Variants in ATP13A4 observed in about 807,000 individuals in gnomAD.
ATP13A4 encodes the protein ATPase 13A4.
Under a neutral mutation model 142.5 loss-of-function variants are expected in ATP13A4, and 114 were observed. That is an observed-to-expected ratio of 0.80 (90% CI 0.69 to 0.93). The LOEUF (loss-of-function observed/expected upper bound fraction) is 0.93. Among genes scored for constraint, ATP13A4 ranks in the 40% least tolerant of loss-of-function variants. The pLI, the probability that ATP13A4 is intolerant of heterozygous loss-of-function variation, is 0.00. For synonymous variants in ATP13A4, 488 were observed against 514.8 expected, an observed-to-expected ratio of 0.95 and a Z score of 0.70; for missense variants, 1,392 against 1,454.0, an observed-to-expected ratio of 0.96 and a Z score of 0.69.
chr3:193,488,092 C>T (rs926078200), intron 7 of ATP13A4, among the ~76,000 whole-genome samples: 3 of 151,982 alleles, frequency 2.0e-5, no homozygotes, highest in African/African-American at 7.3e-5. Flanking sequence ...GGTGAAACAC[C>T]GTCTCGACTA....
At chr3:193,558,633 G>A (rs1723953251), upstream of ATP13A4, among the ~76,000 whole-genome samples, 2 of 152,172 alleles carry the variant, frequency 1.3e-5, no homozygotes, top group South Asian at 4.1e-4. Flanking sequence ...CCCTCACAAG[G>A]ATAGGAGTTT....
chr3:193,491,343 G>T lies in ATP13A4; in HGVS notation c.589C>A (p.Leu197Met). 6.2e-7 allele frequency: 1 copy of T among 1,601,066 alleles called. No homozygotes were observed. The highest frequency in any genetic ancestry group is 8.6e-7 in the Non-Finnish European group (1 of 1,168,544). Reference protein sequence around the residue: ...IDVEVTPIWKLLIKEVLNPFY... With the variant: ...IDVEVTPIWKMLIKEVLNPFY... ...GGAGAAATTACCTCCTTGATGAGCA[G>T]TTTCCAAATTGGTGTAACTTCAACA... The change falls in exon 6 of 30, where the codon CTG (leucine) becomes ATG (methionine). Residue 197 changes from leucine to methionine, a missense_variant. Transcript: ENST00000342695.
chr3:193,493,144 A>C lies in ATP13A4; in HGVS notation c.398T>G (p.Val133Gly). ...GTTCCAAACATATCTTATTTTCTGC[A>C]CTTTGATGCATCTCACCTGCAAAAG... The part of the protein sequence containing the change: ...KPDLKVRCIK[V>G]QKIRYVWNYL... The change falls in exon 4 of 30, where the codon GTG becomes GGG. Residue 133 changes from valine (V) to glycine (G), a missense_variant. Val to Gly is a moderately radical substitution (Grantham distance 109). Coordinates refer to ENST00000342695, the MANE Select transcript of ATP13A4 (RefSeq NM_032279.4). 2.5e-6 allele frequency: 4 copies of C among 1,612,894 alleles called. No individual in the cohort carries two copies. Among genetic ancestry groups the C allele is most frequent in the Non-Finnish European group, 3.4e-6 (4 of 1,179,590 alleles).
intron 1 of ATP13A4, among the ~76,000 whole-genome samples, chr3:193,551,069 T>C (rs925757053): frequency 6.6e-6 from 1 of 152,210 alleles, no homozygotes. Context: ...AAGTAGAAGA[T>C]AACCCAGCTC....
At chr3:193,554,309 G>A (rs888211237) in intron 1 of ATP13A4, 6 of 244,754 alleles carry the variant, frequency 2.5e-5, no homozygotes. Context: ...GAAGGTCAAA[G>A]ACCCAGCTGC....
At chr3:193,487,859 A>C (rs898024117) in intron 7 of ATP13A4, among the ~76,000 whole-genome samples, 6 of 152,232 alleles carry the variant, frequency 3.9e-5, no homozygotes, top group Non-Finnish European at 7.3e-5. Flanking sequence ...GTAGCAAAAG[A>C]CTAGAAACAA....
intron 2 of ATP13A4, 21 bp from the exon 3 acceptor site, chr3:193,502,660 A>AC: frequency 1.2e-6 from 2 of 1,612,086 alleles, no homozygotes; most frequent in Non-Finnish European, 1.7e-6. Flanking sequence ...AGACATCAAA[A>AC]CCCCCAAGAA....
At chr3:193,557,169 A>C (rs894819427), upstream of ATP13A4, among the ~76,000 whole-genome samples, 1 of 152,204 alleles carries the variant, frequency 6.6e-6, no homozygotes, top group Non-Finnish European at 1.5e-5. Flanking sequence ...TTTAAGCTAA[A>C]CTTGAACAGG....
At chr3:193,571,653 G>A (rs1396177887) in intron 2 of ATP13A4, among the ~76,000 whole-genome samples, 2 of 152,096 alleles carry the variant, frequency 1.3e-5, no homozygotes, top group South Asian at 2.1e-4. Flanking sequence ...GTCTATCCAT[G>A]AGAAAAACAT....
At position 193,442,535 on chromosome 3, in the gene ATP13A4, AT is replaced by A; in HGVS notation, c.2173del (p.Ile725Ter). On this transcript the variant is annotated frameshift_variant, in exon 19 of 30. Coordinates refer to ENST00000342695, the MANE Select transcript of ATP13A4 (RefSeq NM_032279.4). LOFTEE classifies it high-confidence loss of function. The part of the protein sequence containing the change: ...MITGDNLQTA[I>X]TVARKSGMVS... ...CATTCCAGATTTTCTGGCCACTGTT[AT>A]TGCAGTCTGAAGATTGTCACCTAGA... The A allele has an allele frequency of 1.9e-6, 3 of 1,614,000 alleles. No homozygotes were observed. Among genetic ancestry groups the A allele is most frequent in the Non-Finnish European group, 2.5e-6 (3 of 1,179,912 alleles).
intron 10 of ATP13A4, 29 bp downstream of exon 10, chr3:193,467,287 A>G: frequency 1.2e-6 from 2 of 1,612,996 alleles, no homozygotes; most frequent in South Asian, 1.1e-5. Flanking sequence ...GTATACCATT[A>G]AAAATAAGAA....
chr3:193,424,339 T>C (rs1715548904), intron 25 of ATP13A4, among the ~76,000 whole-genome samples: 2 of 148,304 alleles, frequency 1.3e-5, no homozygotes, highest in African/African-American at 4.9e-5. Context: ...AATCCTAAAA[T>C]GTATAGGGAC....
intron 1 of ATP13A4, among the ~76,000 whole-genome samples, chr3:193,552,810 A>G (rs1723657131): frequency 6.6e-6 from 1 of 152,210 alleles, no homozygotes; most frequent in South Asian, 2.1e-4. Flanking sequence ...TGTGTGCATC[A>G]ATTTCCTCAT....
chr3:193,487,245 A>T lies in ATP13A4; in HGVS notation c.738+2485T>A, dbSNP rs1719684537. On this transcript the variant is annotated intron_variant, in intron 7 of 29. Coordinates refer to ENST00000342695, the MANE Select transcript of ATP13A4 (RefSeq NM_032279.4). ...TAGCGATATCGGTACTGGGGAAAAA[A>T]AAATATCCACTGCAGGGGGACCATA... 1.3e-5 allele frequency among the ~76,000 whole-genome samples: 2 copies of T among 152,162 alleles called. 1 individual carries two copies. Among genetic ancestry groups the T allele is most frequent in the South Asian group, 4.1e-4 (2 of 4,822 alleles).
At chr3:193,552,029 C>T (rs1373673899) in intron 1 of ATP13A4, among the ~76,000 whole-genome samples, 2 of 152,098 alleles carry the variant, frequency 1.3e-5, no homozygotes, top group African/African-American at 4.8e-5. Context: ...GCTGGAGTGC[C>T]ATGGCGCGAT....
intron 7 of ATP13A4, among the ~76,000 whole-genome samples, chr3:193,486,252 G>GATTTT (rs1560223334): frequency 9.2e-5 from 14 of 152,204 alleles, no homozygotes; most frequent in Non-Finnish European, 1.5e-4. Context: ...TTTAAAGTCT[G>GATTTT]CGATGAGATT....
At chr3:193,569,509 T>G (rs1577084419) in intron 2 of ATP13A4, among the ~76,000 whole-genome samples, 1 of 141,854 alleles carries the variant, frequency 7.0e-6, no homozygotes, top group Non-Finnish European at 1.5e-5. Flanking sequence ...GGTTTTTGTT[T>G]TGGTTTGGTT....
intron 19 of ATP13A4, among the ~76,000 whole-genome samples, chr3:193,441,868 A>G: frequency 6.6e-6 from 1 of 152,226 alleles, no homozygotes; most frequent in East Asian, 1.9e-4. Flanking sequence ...AGTGTAAAAT[A>G]CAAAAGCACT....
intron 1 of ATP13A4, among the ~76,000 whole-genome samples, chr3:193,537,632 C>G (rs974223822): frequency 7.9e-5 from 12 of 152,018 alleles, no homozygotes; most frequent in African/African-American, 2.7e-4. Flanking sequence ...TGTGAAAGAG[C>G]CTGCTGAGAA....
Sources: allele counts gnomAD v4.1 joint callset (sites outside exome capture counted in the v4.1 genomes callset), GRCh38; gene constraint gnomAD v4.1.1; transcripts MANE v1.5; gene names NCBI Gene and HGNC (gene_info 2026-07-23, HGNC 2026-07-21).